Variants in FANCD2 observed in about 807,000 individuals in gnomAD.
FANCD2 encodes the protein FA complementation group D2, also known as Fanconi anemia group D2 protein.
FANCD2 carries 131 observed loss-of-function variants against 192.3 expected under a neutral mutation model. That is an observed-to-expected ratio of 0.68 (90% CI 0.59 to 0.79). The LOEUF (loss-of-function observed/expected upper bound fraction) is 0.79. Among genes scored for constraint, FANCD2 ranks in the 30% least tolerant of loss-of-function variants. The pLI is 0.00. For missense variants in FANCD2, 1,508 were observed against 1,701.6 expected, an observed-to-expected ratio of 0.89 and a Z score of 2.00; for synonymous variants, 524 against 612.5, an observed-to-expected ratio of 0.86 and a Z score of 2.13.
At chr3:10,096,258 T>C (rs1575869197) in intron 41 of FANCD2, 68 bp from the exon 42 acceptor site, 4 of 1,523,968 alleles carry the variant, frequency 2.6e-6, no homozygotes, top group Non-Finnish European at 3.6e-6. Flanking sequence ...CATTCAAAGG[T>C]TTCTATAAGA....
In FANCD2 at chr3:10,031,319, T is replaced by A. The variant is rs3105784; in HGVS notation, c.65-1513T>A. On this transcript the variant is annotated intron_variant, in intron 2 of 43. Coordinates refer to ENST00000675286, the MANE Select transcript of FANCD2 (RefSeq NM_001018115.3). ...GAGATTGAGACCATCTTGGCTAACA[T>A]GGTGAAACCCCGTCTCTACTAAAAA... 2.6e-5 allele frequency among the ~76,000 whole-genome samples: 4 copies of A among 151,572 alleles called. No individual in the cohort carries two copies. The South Asian group carries it at 6.3e-4, about 24-fold the overall frequency.
intron 28 of FANCD2, 39 bp from the exon 29 acceptor site, chr3:10,074,491 G>T (rs879830143): frequency 6.4e-7 from 1 of 1,571,640 alleles, no homozygotes; most frequent in Non-Finnish European, 8.7e-7. Flanking sequence ...TAATATAGAA[G>T]ATTTATATAT....
intron 33 of FANCD2, among the ~76,000 whole-genome samples, chr3:10,086,323 G>T (rs1221189839): frequency 6.6e-6 from 1 of 152,118 alleles, no homozygotes; most frequent in Non-Finnish European, 1.5e-5. Context: ...TGGCTGAGGG[G>T]TAGGCAGTGG....
At position 10,067,099 on chromosome 3, in the gene FANCD2, A is replaced by G. The variant is rs557270697; in HGVS notation, c.2386-110A>G. 18 of 773,348 alleles carry G rather than the reference A, an allele frequency of 2.3e-5. No homozygotes were observed. In the African/African-American group the frequency reaches 3.1e-4, roughly 13 times the overall value. 47.9% of individuals were successfully genotyped at this position (773,348 alleles called of 1,614,324 possible). On this transcript the variant is annotated intron_variant, in intron 25 of 43. Coordinates refer to ENST00000675286, the MANE Select transcript of FANCD2 (RefSeq NM_001018115.3). ...TTGAGGACAGTTCTATTACAGACTA[A>G]ACTCAAAGATCTTGCTTTTCATAGA... is the stretch of plus-strand genomic sequence containing the variant.
rs925093701 is a variant in FANCD2 at position 10,034,523 on chromosome 3, C to A, written c.260C>A (p.Pro87His). 5 of 1,610,722 alleles carry A rather than the reference C, an allele frequency of 3.1e-6. No homozygotes were observed. The highest frequency in any genetic ancestry group is 4.2e-6 in the Non-Finnish European group (5 of 1,176,986). ...KKLFQTLRRH[P>H]SYPKIIEEFV... ...CTCTTTCAGACCCTGAGGAGACACC[C>A]TTCCTATCCCAAAGTATGTATTTTT... Residue 87 changes from proline to histidine, a missense_variant, in exon 4 of 44, where the codon CCT becomes CAT. By Grantham distance (77) the Pro-to-His change is moderately conservative (BLOSUM62 -2). Transcript: ENST00000675286.
chr3:10,078,173 T>A lies in FANCD2; in HGVS notation c.2952T>A (p.Ile984=). Residue 984 remains isoleucine, a synonymous_variant, in exon 30 of 44, where the codon ATT becomes ATA. Transcript: ENST00000675286. ...TGGAGAGTATGCTGACACCTCCTAT[T>A]GCCAGGAGAGTCCCCTTTCTCAAGG... is the stretch of plus-strand genomic sequence containing the variant. The part of the protein sequence containing the change: ...QKLESMLTPP[I]ARRVPFLKNK... 1 of 1,611,684 alleles carries A rather than the reference T, an allele frequency of 6.2e-7. No individual in the cohort carries two copies. Among genetic ancestry groups the A allele is most frequent in the South Asian group, 1.1e-5 (1 of 91,050 alleles).
In FANCD2 at chr3:10,078,141, C is replaced by G. The variant is rs764244696; in HGVS notation, c.2920C>G (p.Gln974Glu). Residue 974 changes from glutamine to glutamate, a missense_variant, in exon 30 of 44, where the codon CAG becomes GAG. Gln to Glu is a conservative substitution (Grantham distance 29, BLOSUM62 2). Transcript: ENST00000675286. ...ELLFLLEDLS[Q>E]KLESMLTPPI... ...GCTTTTCTTGCTGGAAGATCTCTCCCAGAAGCTGGAGAGTATGCTGACACC... is the reference window on the plus strand; with the variant it reads ...GCTTTTCTTGCTGGAAGATCTCTCCGAGAAGCTGGAGAGTATGCTGACACC... The G allele has an allele frequency of 8.7e-6, 14 of 1,613,868 alleles. No individual in the cohort carries two copies. Among genetic ancestry groups the G allele is most frequent in the South Asian group, 3.3e-5 (3 of 91,088 alleles).
chr3:10,061,175 T>G (rs1259657629), intron 19 of FANCD2, among the ~76,000 whole-genome samples: 1 of 152,238 alleles, frequency 6.6e-6, no homozygotes, highest in Non-Finnish European at 1.5e-5. Flanking sequence ...GCATACATCA[T>G]AAATACTACT....
At chr3:10,057,106 T>C (rs1473530356) in intron 18 of FANCD2, among the ~76,000 whole-genome samples, 1 of 152,208 alleles carries the variant, frequency 6.6e-6, no homozygotes, top group Non-Finnish European at 1.5e-5. Context: ...TCCACCCACC[T>C]CTGCCTCCCA....
At position 10,073,366 on chromosome 3, in the gene FANCD2, T is replaced by C. The variant is rs200592206; in HGVS notation, c.2715+4T>C. On this transcript the variant is annotated splice_donor_region_variant and intron_variant, in intron 28 of 43. Transcript: ENST00000675286. ...TCATAGAGGCCAGCTAAACAAGGTA[T>C]TGGAATGATGGGTATCCGTGAAGGT... is the stretch of plus-strand genomic sequence containing the variant. The C allele has an allele frequency of 6.3e-7, 1 of 1,577,888 alleles. No homozygotes were observed. The highest frequency in any genetic ancestry group is 1.1e-5 in the South Asian group (1 of 90,382).
At chr3:10,052,277 T>C (rs1486806360) in intron 17 of FANCD2, 110 bp from the exon 18 acceptor site, 3 of 747,816 alleles carry the variant, frequency 4.0e-6, no homozygotes, top group Non-Finnish European at 7.1e-6. Flanking sequence ...TAAAAAGTTT[T>C]AGATACCTGG....
intron 35 of FANCD2, 42 bp downstream of exon 35, chr3:10,088,584 T>C: frequency 7.3e-7 from 1 of 1,361,244 alleles, no homozygotes; most frequent in Non-Finnish European, 1.1e-6. Context: ...ATAGCTTTTT[T>C]CTATTTTGCT....
chr3:10,072,379 AG>A (rs1218396235), intron 26 of FANCD2, among the ~76,000 whole-genome samples: 3 of 151,542 alleles, frequency 2.0e-5, no homozygotes, highest in Non-Finnish European at 2.9e-5. Flanking sequence ...CCTGGGTTCA[AG>A]CAATTCTCCT....
intron 11 of FANCD2, 35 bp from the exon 12 acceptor site, chr3:10,043,015 A>G: frequency 1.3e-6 from 2 of 1,568,592 alleles, no homozygotes; most frequent in Non-Finnish European, 1.8e-6. Flanking sequence ...ACTATGAATG[A>G]GCAGAAAACC....
rs1249079249 is a variant in FANCD2, at chr3:10,032,902, C to G, written c.135C>G (p.Asp45Glu). 4.4e-6 allele frequency: 7 copies of G among 1,605,176 alleles called. No homozygotes were observed. The South Asian group carries it at 7.7e-5, about 18-fold the overall frequency. ...SHIANEVEEN[D>E]SIFVKLLKIS... ...TTGCTAATGAAGTTGAAGAAAATGACAGCATCTTTGTAAAGCTTCTTAAGA... is the reference window on the plus strand; with the variant it reads ...TTGCTAATGAAGTTGAAGAAAATGAGAGCATCTTTGTAAAGCTTCTTAAGA... The change falls in exon 3 of 44, where the codon GAC (aspartate) becomes GAG (glutamate). Residue 45 changes from aspartate to glutamate, a missense_variant. Coordinates refer to ENST00000675286, the MANE Select transcript of FANCD2 (RefSeq NM_001018115.3).
intron 32 of FANCD2, among the ~76,000 whole-genome samples, chr3:10,081,853 A>G (rs555205097): frequency 2.0e-5 from 3 of 152,194 alleles, no homozygotes; most frequent in Non-Finnish European, 2.9e-5. Flanking sequence ...AGAAGGGTAC[A>G]TGGCCTTTAG....
chr3:10,043,770 G>A lies in FANCD2; in HGVS notation c.1099-59G>A. On this transcript the variant is annotated intron_variant, in intron 13 of 43. Coordinates refer to ENST00000675286, the MANE Select transcript of FANCD2 (RefSeq NM_001018115.3). ...GAGATAACAGGGCATGCTGAATAAG[G>A]TGTAACGTGTTTCGCTGATGTGTCA... 4 of 1,464,732 alleles carry A rather than the reference G, an allele frequency of 2.7e-6. No individual in the cohort carries two copies. The South Asian group carries it at 3.4e-5, about 12-fold the overall frequency. The allele number at this position is 1,464,732 out of a possible 1,614,324, so 90.7% of individuals were successfully genotyped here. A position where few individuals can be genotyped will look rare whatever the true frequency, so the allele number is the denominator to read the frequency against.
chr3:10,101,218 G>A lies in FANCD2; in HGVS notation c.4312G>A (p.Glu1438Lys), dbSNP rs1458235612. Residue 1438 changes from glutamate (E) to lysine (K), a missense_variant, in exon 44 of 44, where the codon GAA becomes AAA. This residue lies in a region of FANCD2 where 796 missense variants were observed against 879.4 expected (regional missense o/e 0.91). Coordinates refer to ENST00000675286, the MANE Select transcript of FANCD2 (RefSeq NM_001018115.3). ...DGEEDEVSAGEKEQDSDESYD... is the reference protein window; with the variant it reads ...DGEEDEVSAGKKEQDSDESYD... ...TGAAGAAGACGAAGTAAGTGCTGGA[G>A]AAAAGGAGCAAGATAGTGATGAGAG... 1.2e-6 allele frequency: 2 copies of A among 1,613,530 alleles called. No homozygotes were observed. Among genetic ancestry groups the A allele is most frequent in the South Asian group, 2.2e-5 (2 of 91,062 alleles).
At chr3:10,050,306 A>G (rs1259060695) in intron 17 of FANCD2, among the ~76,000 whole-genome samples, 5 of 152,106 alleles carry the variant, frequency 3.3e-5, no homozygotes, top group African/African-American at 1.2e-4. Context: ...TGGTGTTAGA[A>G]TTAACATGAC....
Sources: gnomAD v4.1 joint callset for allele counts (sites outside exome capture counted in the v4.1 genomes callset) on GRCh38, gnomAD v4.1.1 for gene constraint, gnomAD v4.1.1 regional missense constraint, MANE v1.5 for transcripts, NCBI Gene and HGNC (gene_info 2026-07-23, HGNC 2026-07-21) for gene names.